The following DNAJB9 variants were observed in gnomAD, a reference collection of about 807,000 sequenced individuals.
DNAJB9 encodes the protein DnaJ heat shock protein family (Hsp40) member B9.
A neutral mutation model predicts 19.2 loss-of-function variants in DNAJB9; 12 were observed. The observed-to-expected ratio is 0.62, with a 90% CI of 0.40 to 1.01. The LOEUF (loss-of-function observed/expected upper bound fraction) is 1.01. Ranked by LOEUF, DNAJB9 falls within the 50% of genes least tolerant of loss-of-function variation. The probability of loss-of-function intolerance (pLI) is 0.00; values close to 1 mark genes in which losing one functional copy is unlikely to be tolerated. For missense variants in DNAJB9, 272 were observed against 261.1 expected, an observed-to-expected ratio of 1.04 and a Z score of -0.29; for synonymous variants, 83 against 84.0, an observed-to-expected ratio of 0.99 and a Z score of 0.07.
chr7:108,571,877 A>T lies in DNAJB9; in HGVS notation c.151A>T (p.Met51Leu). 1 of 1,614,190 alleles carries T rather than the reference A, an allele frequency of 6.2e-7. No homozygotes were observed. Among genetic ancestry groups the T allele is most frequent in the South Asian group, 1.1e-5 (1 of 91,090 alleles). ...QIKKAFHKLA[M>L]KYHPDKNKSP... is the part of the protein sequence containing the mutation. Reference sequence around the variant, plus strand: ...CAAGAAGGCCTTTCACAAGTTGGCCATGAAGTACCACCCTGACAAAAATAA... The same window carrying T: ...CAAGAAGGCCTTTCACAAGTTGGCCTTGAAGTACCACCCTGACAAAAATAA... Residue 51 changes from methionine (M) to leucine (L), a missense_variant, in exon 2 of 3, where the codon ATG (methionine) becomes TTG (leucine). Met to Leu is a conservative substitution (Grantham distance 15). Coordinates refer to ENST00000249356, the MANE Select transcript of DNAJB9 (RefSeq NM_012328.3).
At chr7:108,572,330 T>A (rs1442881191) in intron 2 of DNAJB9, among the ~76,000 whole-genome samples, 1 of 152,188 alleles carries the variant, frequency 6.6e-6, no homozygotes, top group East Asian at 1.9e-4. Flanking sequence ...CTAAAGTGCT[T>A]TATTCACTTG....
chr7:108,571,429 C>A (rs1436069406), intron 1 of DNAJB9, among the ~76,000 whole-genome samples: 1 of 151,298 alleles, frequency 6.6e-6, no homozygotes, highest in East Asian at 1.9e-4. Flanking sequence ...GATGAATCTT[C>A]AATATAAACT....
rs764009244 is a variant in DNAJB9 at position 108,573,081 on chromosome 7, A to G, written c.400A>G (p.Lys134Glu). 5.9e-5 allele frequency: 95 copies of G among 1,614,026 alleles called. 1 individual carries two copies. In the Admixed American group the frequency reaches 8.5e-4, roughly 14 times the overall value. Reference protein sequence around the residue: ...FFGQNQNTGSKKRFENHFQTR... With the variant: ...FFGQNQNTGSEKRFENHFQTR... ...TGGTCAAAACCAAAACACTGGATCC[A>G]AGAAGCGTTTTGAAAATCATTTCCA... Residue 134 changes from lysine (K) to glutamate (E), a missense_variant, in exon 3 of 3, where the codon AAG becomes GAG. Lys to Glu is a moderately conservative substitution (Grantham distance 56). Transcript: ENST00000249356.
intron 2 of DNAJB9, 139 bp from the exon 3 acceptor site, chr7:108,572,760 G>A (rs1790639664): frequency 3.1e-6 from 2 of 652,352 alleles, no homozygotes; most frequent in Non-Finnish European, 5.1e-6. Flanking sequence ...GCTTATATTT[G>A]TAGTGTTTTG....
rs1438152451 is a variant in DNAJB9 at position 108,574,172 on chromosome 7, G to T, written c.*819G>T. The stretch of plus-strand genomic sequence containing the variant: ...TCTCATCTTTATCTAGAGATTGACT[G>T]ATACCTCATTCTGTTTGTAAAACCA... On this transcript the variant is annotated 3_prime_UTR_variant, in exon 3 of 3. Transcript: ENST00000249356. 3 of 152,584 alleles carry T rather than the reference G, an allele frequency of 2.0e-5. No individual in the cohort carries two copies. The highest frequency in any genetic ancestry group is 2.1e-4 in the South Asian group (1 of 4,832). The allele number at this position is 152,584 out of a possible 1,614,324, so 9.5% of individuals were successfully genotyped here. A position where few individuals can be genotyped will look rare whatever the true frequency, so the allele number is the denominator to read the frequency against.
Position 108,573,247 on chromosome 7 carries a change from C to T in DNAJB9, c.566C>T (p.Thr189Ile). The T allele has an allele frequency of 6.2e-7, 1 of 1,613,934 alleles. No individual in the cohort carries two copies. The change falls in exon 3 of 3, where the codon ACA (threonine) becomes ATA (isoleucine). Residue 189 changes from threonine (T) to isoleucine (I), a missense_variant. Thr to Ile is a moderately conservative substitution (Grantham distance 89, BLOSUM62 -1). Coordinates refer to ENST00000249356, the MANE Select transcript of DNAJB9 (RefSeq NM_012328.3). The stretch of plus-strand genomic sequence containing the variant: ...GGTTTTGACTCTACCAATCAGCATA[C>T]AGTACAGACTGAAAATAGATTTCAT... ...FSGFDSTNQHTVQTENRFHGS... is the reference protein window; with the variant it reads ...FSGFDSTNQHIVQTENRFHGS...
chr7:108,569,894 T>C lies in DNAJB9; in HGVS notation c.-220T>C. 2.2e-6 allele frequency: 1 copy of C among 451,230 alleles called. No homozygotes were observed. The highest frequency in any genetic ancestry group is 4.1e-6 in the Non-Finnish European group (1 of 245,478). 28.0% of individuals were successfully genotyped at this position (451,230 alleles called of 1,614,324 possible). A position where few individuals can be genotyped will look rare whatever the true frequency, so the allele number is the denominator to read the frequency against. On this transcript the variant is annotated 5_prime_UTR_variant, in exon 1 of 3. Coordinates refer to ENST00000249356, the MANE Select transcript of DNAJB9 (RefSeq NM_012328.3). ...CTTCTGAGGTGGTGGCGCCAGCGGC[T>C]ACCTCCTGCCTGTGAGGAGCTGGCT...
In DNAJB9 at chr7:108,569,875, A is replaced by G. The variant is rs1790581216; in HGVS notation, c.-239A>G. Reference sequence around the variant, plus strand: ...GGAAGCGTTTCGTGTAGGTCTTCTGAGGTGGTGGCGCCAGCGGCTACCTCC... The same window carrying G: ...GGAAGCGTTTCGTGTAGGTCTTCTGGGGTGGTGGCGCCAGCGGCTACCTCC... On this transcript the variant is annotated 5_prime_UTR_variant, in exon 1 of 3. Transcript: ENST00000249356. 2 of 501,306 alleles carry G rather than the reference A, an allele frequency of 4.0e-6. No individual in the cohort carries two copies. Among genetic ancestry groups the G allele is most frequent in the Admixed American group, 3.3e-5 (1 of 30,486 alleles). The allele number at this position is 501,306 out of a possible 1,614,324, so 31.1% of individuals were successfully genotyped here. A position where few individuals can be genotyped will look rare whatever the true frequency, so the allele number is the denominator to read the frequency against.
At chr7:108,571,307 T>A (rs1394876274) in intron 1 of DNAJB9, among the ~76,000 whole-genome samples, 1 of 152,076 alleles carries the variant, frequency 6.6e-6, no homozygotes, top group Non-Finnish European at 1.5e-5. Context: ...TTAATGTTTT[T>A]TTTTTCTGTG....
At chr7:108,572,070 G>C in intron 2 of DNAJB9, 127 bp downstream of exon 2, 1 of 784,722 alleles carries the variant, frequency 1.3e-6, no homozygotes, top group Non-Finnish European at 2.0e-6. Flanking sequence ...TATAAATATT[G>C]GGTGATTCTC....
intron 2 of DNAJB9, 90 bp from the exon 3 acceptor site, chr7:108,572,809 G>C: frequency 9.9e-7 from 1 of 1,005,324 alleles, no homozygotes; most frequent in Non-Finnish European, 1.4e-6. Context: ...TAAAATAATA[G>C]TATTCAGTTC....
chr7:108,572,848 A>T (rs1276922631), intron 2 of DNAJB9, 51 bp from the exon 3 acceptor site: 1 of 1,428,296 alleles, frequency 7.0e-7, no homozygotes, highest in African/African-American at 1.4e-5. Context: ...GAATATATGT[A>T]ATTTTGAATA....
Position 108,571,812 on chromosome 7 carries a change from A to G in DNAJB9, c.86A>G (p.Asp29Gly), listed in dbSNP as rs1350840080. 2 of 1,614,166 alleles carry G rather than the reference A, an allele frequency of 1.2e-6. No individual in the cohort carries two copies. Among genetic ancestry groups the G allele is most frequent in the East Asian group, 2.2e-5 (1 of 44,888 alleles). Residue 29 changes from aspartate (D) to glycine (G), a missense_variant, in exon 2 of 3, where the codon GAT (aspartate) becomes GGT (glycine). By Grantham distance (94) the Asp-to-Gly change is moderately conservative. Coordinates refer to ENST00000249356, the MANE Select transcript of DNAJB9 (RefSeq NM_012328.3). ...ATTCTGGCCTCAAAAAGCTACTATG[A>G]TATCTTAGGTGTGCCAAAATCGGCA... The part of the protein sequence containing the change: ...ELILASKSYY[D>G]ILGVPKSASE...
At position 108,571,783 on chromosome 7, in the gene DNAJB9, A is replaced by G. The variant is rs748320399; in HGVS notation, c.57A>G (p.Glu19=). 13 of 1,614,216 alleles carry G rather than the reference A, an allele frequency of 8.1e-6. 1 individual carries two copies. In the South Asian group the frequency reaches 1.4e-4, roughly 18 times the overall value. Reference sequence around the variant, plus strand: ...CAATCTGCATTTTAATGATAACAGAATTAATTCTGGCCTCAAAAAGCTACT... The same window carrying G: ...CAATCTGCATTTTAATGATAACAGAGTTAATTCTGGCCTCAAAAAGCTACT... The part of the protein sequence containing the change: ...IFAICILMIT[E]LILASKSYYD... The change falls in exon 2 of 3, where the codon GAA becomes GAG. Residue 19 remains glutamate (E), a synonymous_variant. Transcript: ENST00000249356.
chr7:108,571,718 A>T lies in DNAJB9; in HGVS notation c.-9A>T. On this transcript the variant is annotated splice_region_variant and 5_prime_UTR_variant, in exon 2 of 3. Transcript: ENST00000249356. ...ATTTTTTTTTCTTTTCTGTTTTAGGATATTAGAAATGGCTACTCCCCAGTC... is the reference window on the plus strand; with the variant it reads ...ATTTTTTTTTCTTTTCTGTTTTAGGTTATTAGAAATGGCTACTCCCCAGTC... 6.2e-7 allele frequency: 1 copy of T among 1,609,446 alleles called. No individual in the cohort carries two copies. Among genetic ancestry groups the T allele is most frequent in the Non-Finnish European group, 8.5e-7 (1 of 1,177,742 alleles).
At chr7:108,572,325 G>A (rs1233791561) in intron 2 of DNAJB9, among the ~76,000 whole-genome samples, 1 of 152,096 alleles carries the variant, frequency 6.6e-6, no homozygotes, top group Non-Finnish European at 1.5e-5. Flanking sequence ...AGACTCTAAA[G>A]TGCTTTATTC....
chr7:108,570,511 A>T (rs1790601501), intron 1 of DNAJB9, among the ~76,000 whole-genome samples: 1 of 152,080 alleles, frequency 6.6e-6, no homozygotes, highest in African/African-American at 2.4e-5. Flanking sequence ...TGCTAAAAAA[A>T]AATCATTAGA....
chr7:108,570,604 G>A (rs1790603685), intron 1 of DNAJB9, among the ~76,000 whole-genome samples: 1 of 152,182 alleles, frequency 6.6e-6, no homozygotes, highest in Admixed American at 6.5e-5. Context: ...CTTTGACTAG[G>A]GAGCAACCTG....
chr7:108,573,455 C>T lies in DNAJB9; in HGVS notation c.*102C>T. 1.2e-6 allele frequency: 1 copy of T among 839,612 alleles called. No homozygotes were observed. Among genetic ancestry groups the T allele is most frequent in the Non-Finnish European group, 1.7e-6 (1 of 598,002 alleles). The allele number at this position is 839,612 out of a possible 1,614,324, so 52.0% of individuals were successfully genotyped here. On this transcript the variant is annotated 3_prime_UTR_variant, in exon 3 of 3. Coordinates refer to ENST00000249356, the MANE Select transcript of DNAJB9 (RefSeq NM_012328.3). Reference sequence around the variant, plus strand: ...CTATTTTGACAAGTGCATGATTTCACTTTAAACAATTTGATATAGCTATTA... The same window carrying T: ...CTATTTTGACAAGTGCATGATTTCATTTTAAACAATTTGATATAGCTATTA...
Sources: gnomAD v4.1 joint callset for allele counts (sites outside exome capture counted in the v4.1 genomes callset) on GRCh38, gnomAD v4.1.1 for gene constraint, MANE v1.5 for transcripts, NCBI Gene and HGNC (gene_info 2026-07-23, HGNC 2026-07-21) for gene names.